Variants in AGBL1 observed in about 807,000 individuals in gnomAD.
AGBL1 encodes the protein AGBL carboxypeptidase 1.
AGBL1 carries 130 observed loss-of-function variants against 118.9 expected under a neutral mutation model. The ratio of observed to expected loss-of-function variants is 1.09; its 90% CI spans 0.95 to 1.26. The LOEUF is 1.26. Ranked by LOEUF, AGBL1 falls within the 50% of genes most tolerant of loss-of-function variation. The pLI is 0.00. For missense variants in AGBL1, 1,584 were observed against 1,298.1 expected (o/e 1.22, Z -3.38); for synonymous variants, 555 against 478.9 (o/e 1.16, Z -2.08).
intron 23 of AGBL1, chr15:86,939,654 C>G (rs2080722369): frequency 6.6e-6 from 1 of 152,236 alleles, no homozygotes. Flanking sequence ...TAACTTACCT[C>G]TCTCCTCAAA....
chr15:86,924,597 G>T (rs968763052), intron 23 of AGBL1, among the ~76,000 whole-genome samples: 2 of 152,174 alleles, frequency 1.3e-5, no homozygotes, highest in African/African-American at 4.8e-5. Context: ...CGACAGCTCT[G>T]AAACCTATAA....
chr15:86,722,205 C>A (rs2086734727), intron 22 of AGBL1, among the ~76,000 whole-genome samples: 1 of 152,164 alleles, frequency 6.6e-6, no homozygotes, highest in Non-Finnish European at 1.5e-5. Context: ...CCAAGTCAAT[C>A]CTAAGCCAAA....
At chr15:86,376,714 G>A (rs1206896680) in intron 17 of AGBL1, among the ~76,000 whole-genome samples, 4 of 152,138 alleles carry the variant, frequency 2.6e-5, no homozygotes, top group African/African-American at 4.8e-5. Flanking sequence ...AGCTTGGAAC[G>A]GCTAGGGCTA....
At chr15:86,740,962 C>G (rs908987263) in intron 22 of AGBL1, among the ~76,000 whole-genome samples, 1 of 152,042 alleles carries the variant, frequency 6.6e-6, no homozygotes, top group African/African-American at 2.4e-5. Context: ...CTCAAGTATA[C>G]CTGCTCAACC....
intron 22 of AGBL1, among the ~76,000 whole-genome samples, chr15:86,884,985 T>G (rs946445200): frequency 4.6e-5 from 7 of 152,198 alleles, no homozygotes; most frequent in Non-Finnish European, 8.8e-5. Context: ...AAAAAAGAAC[T>G]ACCTAATAGA....
chr15:86,998,288 CTA>C (rs1304615581), intron 24 of AGBL1, among the ~76,000 whole-genome samples: 1 of 151,564 alleles, frequency 6.6e-6, no homozygotes, highest in Non-Finnish European at 1.5e-5. Flanking sequence ...TCAATTGACT[CTA>C]TCCTTTCATG....
chr15:86,899,136 T>C (rs1251939456), intron 22 of AGBL1, among the ~76,000 whole-genome samples: 4 of 152,124 alleles, frequency 2.6e-5, no homozygotes, highest in African/African-American at 9.7e-5. Context: ...ATGGATTCAA[T>C]TTAAATGCCC....
chr15:86,135,899 C>T (rs2076882490), intron 1 of AGBL1, among the ~76,000 whole-genome samples: 1 of 152,164 alleles, frequency 6.6e-6, no homozygotes, highest in Non-Finnish European at 1.5e-5. Context: ...TTGCAACTTT[C>T]ACCCGGTTCA....
intron 1 of AGBL1, among the ~76,000 whole-genome samples, chr15:86,140,811 G>T (rs957034361): frequency 5.3e-5 from 8 of 152,198 alleles, no homozygotes; most frequent in African/African-American, 1.9e-4. Flanking sequence ...CATGGTTTGA[G>T]CAGGAAACTC....
At chr15:86,195,888 C>G (rs1173526808) in intron 5 of AGBL1, among the ~76,000 whole-genome samples, 3 of 152,130 alleles carry the variant, frequency 2.0e-5, no homozygotes, top group Non-Finnish European at 4.4e-5. Context: ...ATTTCTAAGT[C>G]TATCCAAGCT....
intron 5 of AGBL1, among the ~76,000 whole-genome samples, chr15:86,176,231 G>A (rs1368634203): frequency 6.6e-6 from 1 of 152,184 alleles, no homozygotes; most frequent in Admixed American, 6.5e-5. Flanking sequence ...TGCTGATGGT[G>A]CACATAAGCA....
chr15:86,865,170 CA>C (rs1320264352), intron 22 of AGBL1, among the ~76,000 whole-genome samples: 1 of 152,164 alleles, frequency 6.6e-6, no homozygotes, highest in Non-Finnish European at 1.5e-5. Flanking sequence ...CACTTTACAT[CA>C]TTTCACTGAA....
At chr15:86,481,592 T>C (rs542661924) in intron 18 of AGBL1, among the ~76,000 whole-genome samples, 5 of 152,296 alleles carry the variant, frequency 3.3e-5, no homozygotes, top group African/African-American at 1.2e-4. Flanking sequence ...TTTGGAATTT[T>C]ACTTGCTTCC....
chr15:86,392,701 C>T (rs1231297706), intron 17 of AGBL1, among the ~76,000 whole-genome samples: 1 of 152,090 alleles, frequency 6.6e-6, no homozygotes, highest in East Asian at 1.9e-4. Context: ...TATTCAATCC[C>T]CTACTTGTTC....
chr15:86,230,262 C>G (rs1162238188), intron 6 of AGBL1, among the ~76,000 whole-genome samples: 2 of 152,186 alleles, frequency 1.3e-5, no homozygotes, highest in South Asian at 2.1e-4. Flanking sequence ...TGGCAATCAG[C>G]AATGCAGAGA....
intron 1 of AGBL1, among the ~76,000 whole-genome samples, chr15:86,133,560 C>T (rs1359620203): frequency 6.6e-6 from 1 of 152,210 alleles, no homozygotes; most frequent in African/African-American, 2.4e-5. Context: ...TTCGTAGCAC[C>T]TAGCGCAGTT....
At chr15:86,361,225 G>A (rs1437068411) in intron 17 of AGBL1, among the ~76,000 whole-genome samples, 2 of 151,880 alleles carry the variant, frequency 1.3e-5, no homozygotes, top group East Asian at 1.9e-4. Context: ...AAGGTTGTTA[G>A]AGTATGTTGT....
intron 21 of AGBL1, among the ~76,000 whole-genome samples, chr15:86,655,552 A>G (rs2085449354): frequency 6.6e-6 from 1 of 152,076 alleles, no homozygotes; most frequent in Non-Finnish European, 1.5e-5. Context: ...AAAGCATCTT[A>G]TATTATGCGT....
chr15:86,963,644 C>T (rs991101376), intron 23 of AGBL1, among the ~76,000 whole-genome samples: 3 of 151,962 alleles, frequency 2.0e-5, no homozygotes, highest in Non-Finnish European at 4.4e-5. Context: ...TCGGTGTATC[C>T]TCACATCACA....
Sources: allele counts gnomAD v4.1 joint callset (sites outside exome capture counted in the v4.1 genomes callset), GRCh38; gene constraint gnomAD v4.1.1; transcripts MANE v1.5; gene names NCBI Gene and HGNC (gene_info 2026-07-23, HGNC 2026-07-21).